The following HCN1 variants were observed in gnomAD, a reference collection of about 807,000 sequenced individuals.
HCN1 encodes potassium/sodium hyperpolarization-activated cyclic nucleotide-gated channel 1.
In HCN1, 13 loss-of-function variants were observed where a neutral mutation model predicts 78.9. The observed-to-expected ratio is 0.16, with a 90% CI of 0.11 to 0.26. The LOEUF is 0.26. HCN1 is among the 10% of genes least tolerant of loss of function. The pLI, the probability that HCN1 is intolerant of heterozygous loss-of-function variation, is 1.00. For missense variants in HCN1, 810 were observed against 1,154.3 expected (o/e 0.70, Z 4.32); for synonymous variants, 552 against 455.5 (o/e 1.21, Z -2.70).
chr5:45,551,414 C>T (rs1743367302), intron 2 of HCN1, among the ~76,000 whole-genome samples: 2 of 150,716 alleles, frequency 1.3e-5, no homozygotes, highest in Admixed American at 1.3e-4. Context: ...GAAATATATC[C>T]AAGAGTTTAA....
chr5:45,296,984 A>C (rs895665228), intron 6 of HCN1, among the ~76,000 whole-genome samples: 1 of 152,048 alleles, frequency 6.6e-6, no homozygotes, highest in African/African-American at 2.4e-5. Flanking sequence ...ACCCTAACCC[A>C]GTGGAGCTAG....
At chr5:45,472,625 AAAGGG>A in intron 2 of HCN1, among the ~76,000 whole-genome samples, 1 of 71,542 alleles carries the variant, frequency 1.4e-5, no homozygotes, top group Non-Finnish European at 2.5e-5. Context: ...GGAAAGAAGG[AAAGGG>A]GGGAGGGAGG....
intron 2 of HCN1, among the ~76,000 whole-genome samples, chr5:45,553,906 C>CATAT (rs1256365429): frequency 6.6e-6 from 1 of 151,904 alleles, no homozygotes; most frequent in Non-Finnish European, 1.5e-5. Flanking sequence ...CTGGAAGTCA[C>CATAT]ATATGCCCCT....
At chr5:45,595,077 T>C (rs1414018129) in intron 2 of HCN1, among the ~76,000 whole-genome samples, 7 of 152,082 alleles carry the variant, frequency 4.6e-5, no homozygotes, top group Admixed American at 4.6e-4. Context: ...ACAGGTAATA[T>C]AGCAAAAAGG....
At chr5:45,642,286 G>C (rs1024777097) in intron 2 of HCN1, 2 of 152,064 alleles carry the variant, frequency 1.3e-5, no homozygotes, top group East Asian at 3.9e-4. Context: ...TCATAAATTA[G>C]TTGCTCAAAT....
intron 2 of HCN1, chr5:45,558,415 G>C (rs1239964197): frequency 6.6e-6 from 1 of 152,170 alleles, no homozygotes; most frequent in Non-Finnish European, 1.5e-5. Context: ...TGTTGATGTA[G>C]AAACTGCAGC....
At chr5:45,328,768 G>C (rs775170803) in intron 5 of HCN1, among the ~76,000 whole-genome samples, 16 of 151,574 alleles carry the variant, frequency 1.1e-4, no homozygotes, top group Non-Finnish European at 2.4e-4. Flanking sequence ...CTGTGGAAAG[G>C]GAAACCACAG....
At chr5:45,498,917 A>G (rs1413608787) in intron 2 of HCN1, among the ~76,000 whole-genome samples, 1 of 152,148 alleles carries the variant, frequency 6.6e-6, no homozygotes, top group Non-Finnish European at 1.5e-5. Flanking sequence ...TCAGGGACCC[A>G]CTTTAGGAGG....
At chr5:45,372,087 T>TTA (rs1234893690) in intron 4 of HCN1, among the ~76,000 whole-genome samples, 1 of 57,806 alleles carries the variant, frequency 1.7e-5, no homozygotes, top group Non-Finnish European at 2.7e-5. Flanking sequence ...TATAATATAA[T>TTA]TATATATATA....
chr5:45,513,456 G>T (rs927083037), intron 2 of HCN1, among the ~76,000 whole-genome samples: 1 of 152,090 alleles, frequency 6.6e-6, no homozygotes, highest in East Asian at 1.9e-4. Flanking sequence ...TCCATTCAAA[G>T]GTATAAACCA....
intron 2 of HCN1, among the ~76,000 whole-genome samples, chr5:45,477,101 G>C (rs1455864324): frequency 2.0e-5 from 3 of 151,946 alleles, no homozygotes; most frequent in Non-Finnish European, 4.4e-5. Context: ...AATCAGCACT[G>C]TGTCACTGAC....
intron 2 of HCN1, among the ~76,000 whole-genome samples, chr5:45,631,638 C>G (rs1745271424): frequency 1.3e-5 from 2 of 152,002 alleles, no homozygotes; most frequent in Admixed American, 1.3e-4. Flanking sequence ...ATCAAGATTT[C>G]TAAAAACTCT....
At chr5:45,445,941 A>G (rs1015407614) in intron 3 of HCN1, among the ~76,000 whole-genome samples, 4 of 152,192 alleles carry the variant, frequency 2.6e-5, no homozygotes, top group African/African-American at 9.7e-5. Flanking sequence ...ATGGGGAAAA[A>G]ACAGAGCAGA....
In HCN1 at chr5:45,582,096, A is replaced by G. The variant is rs561166064; in HGVS notation, c.849+63089T>C. Among the ~76,000 whole-genome samples, 482 of 152,230 alleles carry G rather than the reference A, an allele frequency of 3.2e-3. 5 individuals carry two copies. The highest frequency in any genetic ancestry group is 4.4e-3 in the Non-Finnish European group (301 of 68,014). ...GCTTGCTGGGGATGGCATTGAATCT[A>G]TAAATTACCTTGGGCAGTATGGCCA... On this transcript the variant is annotated intron_variant, in intron 2 of 7. Transcript: ENST00000303230.
At chr5:45,591,447 T>C (rs1744362438) in intron 2 of HCN1, among the ~76,000 whole-genome samples, 1 of 152,180 alleles carries the variant, frequency 6.6e-6, no homozygotes, top group African/African-American at 2.4e-5. Context: ...GTCAGTGTTC[T>C]AGATTTTTAG....
chr5:45,487,997 G>A (rs142567702), intron 2 of HCN1, among the ~76,000 whole-genome samples: 2 of 151,988 alleles, frequency 1.3e-5, no homozygotes, highest in Admixed American at 1.3e-4. Context: ...TAGTAATCTT[G>A]ACTAGAGAGT....
chr5:45,364,679 T>A (rs896407905), intron 4 of HCN1, among the ~76,000 whole-genome samples: 4 of 152,214 alleles, frequency 2.6e-5, no homozygotes, highest in African/African-American at 9.6e-5. Context: ...AACCATCTTG[T>A]CATTTGGGAG....
Position 45,343,765 on chromosome 5 carries a change from T to A in HCN1, c.1377+9335A>T, listed in dbSNP as rs111471211. On this transcript the variant is annotated intron_variant, in intron 5 of 7. Coordinates refer to ENST00000303230, the MANE Select transcript of HCN1 (RefSeq NM_021072.4). ...CAGTTTATAGAATTGAAATGTGAGA[T>A]AATATAAATAAAAGATAATAAATTC... Among the ~76,000 whole-genome samples, 4 of 151,754 alleles carry A rather than the reference T, an allele frequency of 2.6e-5. 1 individual carries two copies. The highest frequency in any genetic ancestry group is 9.7e-5 in the African/African-American group (4 of 41,378).
intron 1 of HCN1, among the ~76,000 whole-genome samples, chr5:45,659,127 C>T (rs895782970): frequency 6.6e-6 from 1 of 151,820 alleles, no homozygotes; most frequent in Admixed American, 6.6e-5. Context: ...AGACTGCCTC[C>T]TCAAGTGGGT....
Sources: gnomAD v4.1 joint callset for allele counts (sites outside exome capture counted in the v4.1 genomes callset) on GRCh38, gnomAD v4.1.1 for gene constraint, MANE v1.5 for transcripts, NCBI Gene and HGNC (gene_info 2026-07-23, HGNC 2026-07-21) for gene names.